Variants in PTPN3 observed in about 807,000 individuals in gnomAD.
PTPN3 encodes protein tyrosine phosphatase non-receptor type 3.
A neutral mutation model predicts 132.7 loss-of-function variants in PTPN3; 96 were observed. The observed-to-expected ratio is 0.72, with a 90% CI of 0.61 to 0.86. The LOEUF (loss-of-function observed/expected upper bound fraction) is 0.86, where lower values mean the gene tolerates loss of function less well. PTPN3 is among the 40% of genes least tolerant of loss of function. PTPN3 has a pLI of 0.00. For missense variants in PTPN3, 1,125 were observed against 1,159.6 expected (o/e 0.97, Z 0.43); for synonymous variants, 398 against 429.0 (o/e 0.93, Z 0.89).
At chr9:109,482,377 A>T in intron 1 of PTPN3, among the ~76,000 whole-genome samples, 1 of 152,218 alleles carries the variant, frequency 6.6e-6, no homozygotes, top group Non-Finnish European at 1.5e-5. Context: ...GAATATTAAG[A>T]GGCTTGTTAT....
At chr9:109,398,464 G>C (rs1254981176) in intron 19 of PTPN3, among the ~76,000 whole-genome samples, 1 of 152,186 alleles carries the variant, frequency 6.6e-6, no homozygotes, top group Non-Finnish European at 1.5e-5. Flanking sequence ...GGCAATGTAG[G>C]AGTAAGTAAA....
At chr9:109,511,505 T>G in the PTPN3 span, 1 of 153,658 alleles carries the variant, frequency 6.5e-6, no homozygotes, top group South Asian at 2.1e-4. Context: ...CTACCTGCCA[T>G]GTTTGTCATA....
chr9:109,466,364 A>G (rs894438959), intron 1 of PTPN3, among the ~76,000 whole-genome samples: 1 of 152,232 alleles, frequency 6.6e-6, no homozygotes, highest in Non-Finnish European at 1.5e-5. Flanking sequence ...GTAGCTAGCT[A>G]CGGTAGTGTG....
upstream of PTPN3, among the ~76,000 whole-genome samples, chr9:109,501,011 T>C (rs1388364856): frequency 6.7e-6 from 1 of 150,180 alleles, no homozygotes; most frequent in Non-Finnish European, 1.5e-5. Context: ...TGGAAGGAAA[T>C]ATGGGAAAAT....
At position 109,381,793 on chromosome 9, in the gene PTPN3, G is replaced by A. The variant is rs540309324; in HGVS notation, c.2529-6C>T. 6.2e-7 allele frequency: 1 copy of A among 1,614,238 alleles called. No individual in the cohort carries two copies. Among genetic ancestry groups the A allele is most frequent in the Non-Finnish European group, 8.5e-7 (1 of 1,180,034 alleles). On this transcript the variant is annotated splice_region_variant and splice_polypyrimidine_tract_variant and intron_variant, in intron 24 of 25. Coordinates refer to ENST00000374541, the MANE Select transcript of PTPN3 (RefSeq NM_002829.4). The stretch of plus-strand genomic sequence containing the variant: ...CGGTTCGACCTATTCCAGCACTGGA[G>A]AGGGGAGAGAAGACAGACTTGGGAT...
chr9:109,399,475 T>C (rs149874108), intron 19 of PTPN3, among the ~76,000 whole-genome samples: 84 of 152,230 alleles, frequency 5.5e-4, no homozygotes, highest in African/African-American at 2.0e-3. Flanking sequence ...CACAGTACTG[T>C]TGTGAGAGTT....
At chr9:109,404,009 G>T (rs573667240) in intron 19 of PTPN3, among the ~76,000 whole-genome samples, 23 of 152,188 alleles carry the variant, frequency 1.5e-4, no homozygotes, top group Non-Finnish European at 3.2e-4. Flanking sequence ...GCTGGGGGTG[G>T]TCAGAGAGCT....
chr9:109,438,326 C>A (rs562367601), intron 7 of PTPN3, 92 bp from the exon 8 acceptor site: 1 of 1,365,786 alleles, frequency 7.3e-7, no homozygotes, highest in Non-Finnish European at 1.0e-6. Flanking sequence ...ATCAGAATAA[C>A]ATTAATTAGA....
rs1564371426 is a variant in PTPN3 at position 109,383,548 on chromosome 9, T to C, written c.2257A>G (p.Lys753Glu). 1 of 1,613,518 alleles carries C rather than the reference T, an allele frequency of 6.2e-7. No homozygotes were observed. Among genetic ancestry groups the C allele is most frequent in the Admixed American group, 1.7e-5 (1 of 59,968 alleles). The change falls in exon 23 of 26, where the codon AAA (lysine) becomes GAA (glutamate). Residue 753 changes from lysine to glutamate, a missense_variant. By Grantham distance (56) the Lys-to-Glu change is moderately conservative. Transcript: ENST00000374541. Reference protein sequence around the residue: ...LTTLTERGRTKCHQYWPDPPD... With the variant: ...LTTLTERGRTECHQYWPDPPD... ...GGATCTGGCCAGTACTGGTGACATT[T>C]GGTCTGTAAGAAACCACCGAGAGTG... is the stretch of plus-strand genomic sequence containing the variant.
At chr9:109,427,286 C>T (rs561959815) in intron 11 of PTPN3, among the ~76,000 whole-genome samples, 164 bp from the exon 12 acceptor site, 92 of 152,170 alleles carry the variant, frequency 6.0e-4, no homozygotes, top group Non-Finnish European at 9.1e-4. Context: ...TTCAAGAGCA[C>T]GATTTGTTAA....
chr9:109,421,827 T>G (rs778079387), intron 13 of PTPN3, among the ~76,000 whole-genome samples: 8 of 152,202 alleles, frequency 5.3e-5, no homozygotes, highest in Non-Finnish European at 1.0e-4. Context: ...TGTCTGCCTG[T>G]CTCCCAGTTT....
chr9:109,446,390 T>C (rs900761125), intron 6 of PTPN3, among the ~76,000 whole-genome samples: 8 of 152,194 alleles, frequency 5.3e-5, no homozygotes, highest in African/African-American at 9.7e-5. Flanking sequence ...TGCAGCTGCA[T>C]ATGAAGTCGA....
At chr9:109,389,455 T>A (rs184181483) in intron 21 of PTPN3, 76 bp from the exon 22 acceptor site, 2 of 1,418,308 alleles carry the variant, frequency 1.4e-6, no homozygotes, top group Admixed American at 4.5e-5. Flanking sequence ...TAAACTATTC[T>A]ACTTGCTAAT....
the PTPN3 span, among the ~76,000 whole-genome samples, chr9:109,520,347 A>G: frequency 1.3e-5 from 2 of 152,304 alleles, no homozygotes; most frequent in East Asian, 3.9e-4. Context: ...AGATTTATAA[A>G]CAGAAATGTG....
At chr9:109,420,351 A>C in intron 14 of PTPN3, 73 bp downstream of exon 14, 1 of 1,455,494 alleles carries the variant, frequency 6.9e-7, no homozygotes, top group Non-Finnish European at 9.2e-7. Flanking sequence ...CTCAAATGGC[A>C]ACCTGGACCT....
At chr9:109,459,509 A>G (rs889454396) in intron 2 of PTPN3, among the ~76,000 whole-genome samples, 3 of 152,226 alleles carry the variant, frequency 2.0e-5, no homozygotes, top group Non-Finnish European at 4.4e-5. Context: ...AATGACGTTC[A>G]TAACTAAGAA....
At chr9:109,459,158 A>T (rs150472700) in intron 2 of PTPN3, among the ~76,000 whole-genome samples, 426 of 152,388 alleles carry the variant, frequency 2.8e-3, no homozygotes, top group African/African-American at 9.1e-3. Context: ...TTAAAATGTA[A>T]TAACAAAAAA....
chr9:109,465,706 CAAAA>C (rs34634972), intron 1 of PTPN3, among the ~76,000 whole-genome samples: 6 of 64,830 alleles, frequency 9.3e-5, no homozygotes, highest in East Asian at 4.1e-4. Flanking sequence ...AACTCTGTCT[CAAAA>C]AAAAAAAAAA....
intron 1 of PTPN3, among the ~76,000 whole-genome samples, chr9:109,491,062 G>A (rs1232536924): frequency 6.6e-6 from 1 of 151,498 alleles, no homozygotes; most frequent in Non-Finnish European, 1.5e-5. Context: ...CGGGCATGGT[G>A]GCACACGCCT....
Sources: gnomAD v4.1 joint callset for allele counts (sites outside exome capture counted in the v4.1 genomes callset) on GRCh38, gnomAD v4.1.1 for gene constraint, MANE v1.5 for transcripts, NCBI Gene and HGNC (gene_info 2026-07-23, HGNC 2026-07-21) for gene names.